The following KIF5C variants were observed in gnomAD, a reference collection of about 807,000 sequenced individuals.
KIF5C encodes the protein kinesin heavy chain isoform 5C.
Under a neutral mutation model 125.2 loss-of-function variants are expected in KIF5C, and 18 were observed. That is an observed-to-expected ratio of 0.14 (90% CI 0.10 to 0.21). The LOEUF (loss-of-function observed/expected upper bound fraction) is 0.21. Among genes scored for constraint, KIF5C ranks in the 10% least tolerant of loss-of-function variants. KIF5C has a pLI of 1.00. For synonymous variants in KIF5C, 405 were observed against 434.0 expected (o/e 0.93, Z 0.83); for missense variants, 780 against 1,183.8 (o/e 0.66, Z 5.01).
At chr2:149,003,806 AC>A (rs1681923307) in intron 21 of KIF5C, among the ~76,000 whole-genome samples, 1 of 152,140 alleles carries the variant, frequency 6.6e-6, no homozygotes, top group African/African-American at 2.4e-5. Flanking sequence ...TAGTATTTAC[AC>A]CCCAGGAGAT....
At chr2:148,987,549 G>T (rs2105167620) in intron 15 of KIF5C, among the ~76,000 whole-genome samples, 1 of 152,292 alleles carries the variant, frequency 6.6e-6, no homozygotes, top group South Asian at 2.1e-4. Flanking sequence ...GGGGAAGAAA[G>T]CCTAATGCTG....
chr2:148,912,947 C>T (rs183122244), intron 1 of KIF5C, among the ~76,000 whole-genome samples: 32 of 152,298 alleles, frequency 2.1e-4, no homozygotes, highest in African/African-American at 7.7e-4. Context: ...AGTTTGCATC[C>T]AGCAGCTCTC....
chr2:149,010,484 C>T (rs997760891), intron 24 of KIF5C, 133 bp downstream of exon 24: 7 of 1,414,872 alleles, frequency 4.9e-6, no homozygotes, highest in Non-Finnish European at 6.5e-6. Flanking sequence ...CCGCAGGACG[C>T]AGCCCTCACC....
intron 25 of KIF5C, among the ~76,000 whole-genome samples, chr2:149,011,923 C>G (rs1682220292): frequency 6.6e-6 from 1 of 152,190 alleles, no homozygotes; most frequent in Admixed American, 6.5e-5. Context: ...GGCCTAATCC[C>G]CTCCAGGGGT....
intron 1 of KIF5C, among the ~76,000 whole-genome samples, chr2:148,903,791 GAAT>G (rs1428778391): frequency 2.0e-5 from 3 of 152,312 alleles, no homozygotes; most frequent in Non-Finnish European, 2.9e-5. Flanking sequence ...TAGGCAGTCT[GAAT>G]TTAACCTGTT....
intron 23 of KIF5C, 60 bp downstream of exon 23, chr2:149,008,127 C>T: frequency 6.5e-7 from 1 of 1,530,306 alleles, no homozygotes; most frequent in Admixed American, 1.8e-5. Flanking sequence ...AGAAGCCCCA[C>T]CAGGTTTGGC....
chr2:148,894,254 A>G (rs1297649247), intron 1 of KIF5C, among the ~76,000 whole-genome samples: 1 of 152,254 alleles, frequency 6.6e-6, no homozygotes, highest in African/African-American at 2.4e-5. Flanking sequence ...AAGGAAAGAA[A>G]TTAGAGATTC....
intron 17 of KIF5C, 79 bp from the exon 18 acceptor site, chr2:148,997,185 C>CT: frequency 6.5e-7 from 1 of 1,533,324 alleles, no homozygotes. Flanking sequence ...ATTTTTCTTG[C>CT]TTTTTGTTTT....
chr2:149,012,705 G>C (rs1255656425), intron 25 of KIF5C, among the ~76,000 whole-genome samples: 1 of 152,272 alleles, frequency 6.6e-6, no homozygotes, highest in Non-Finnish European at 1.5e-5. Flanking sequence ...GCCAGGGGCT[G>C]GTCAGAGTAG....
At chr2:149,012,697 C>T (rs1028116236) in intron 25 of KIF5C, among the ~76,000 whole-genome samples, 1 of 152,234 alleles carries the variant, frequency 6.6e-6, no homozygotes, top group Non-Finnish European at 1.5e-5. Context: ...ACGAGCAGGC[C>T]AGGGGCTGGT....
chr2:148,977,372 C>G lies in KIF5C; in HGVS notation c.1294-1550C>G, dbSNP rs1422651997. 3.3e-5 allele frequency among the ~76,000 whole-genome samples: 5 copies of G among 152,206 alleles called. No individual in the cohort carries two copies. In the East Asian group the frequency reaches 9.6e-4, roughly 29 times the overall value. On this transcript the variant is annotated intron_variant, in intron 12 of 25. Transcript: ENST00000435030. ...CTTGTGGTTTATATCACTTGTAGTG[C>G]TTGTCCATTTGTCCCAGGAGAAGAG... is the stretch of plus-strand genomic sequence containing the variant.
At chr2:148,893,317 A>G (rs1681758285) in intron 1 of KIF5C, among the ~76,000 whole-genome samples, 1 of 152,186 alleles carries the variant, frequency 6.6e-6, no homozygotes, top group Non-Finnish European at 1.5e-5. Flanking sequence ...AAAAACATGT[A>G]AGGCTTTTCT....
At chr2:148,948,083 C>G (rs1403183060) in intron 8 of KIF5C, 6 of 446,814 alleles carry the variant, frequency 1.3e-5, no homozygotes, top group African/African-American at 6.0e-5. Flanking sequence ...TGCAGTGGCT[C>G]ACGCCTGTAA....
At chr2:148,947,803 A>T in intron 8 of KIF5C, 3 of 440,828 alleles carry the variant, frequency 6.8e-6, no homozygotes, top group South Asian at 4.9e-5. Context: ...CATGTGCACA[A>T]TGCCCTCTGG....
chr2:148,950,275 T>A, intron 9 of KIF5C, 39 bp from the exon 10 acceptor site: 1 of 1,598,486 alleles, frequency 6.3e-7, no homozygotes, highest in Non-Finnish European at 8.6e-7. Context: ...TTTCTCAGAA[T>A]GGGCTGTCAA....
At chr2:148,979,389 G>A (rs191849252) in intron 13 of KIF5C, among the ~76,000 whole-genome samples, 3 of 152,142 alleles carry the variant, frequency 2.0e-5, no homozygotes, top group Admixed American at 6.5e-5. Context: ...TGATCTTCCC[G>A]CCTAAGACTC....
At chr2:148,908,879 G>A (rs1681220108) in intron 1 of KIF5C, among the ~76,000 whole-genome samples, 1 of 152,118 alleles carries the variant, frequency 6.6e-6, no homozygotes, top group Non-Finnish European at 1.5e-5. Context: ...CACTCTTACA[G>A]AATAATAAGA....
chr2:148,924,382 C>T lies in KIF5C; in HGVS notation c.217+2155C>T, dbSNP rs1368112311. ...TGGGTGGACCAAGGAGCATTCCTTT[C>T]AAGTCCATCTAAACTCTTAATGATT... On this transcript the variant is annotated intron_variant, in intron 2 of 25. Coordinates refer to ENST00000435030, the MANE Select transcript of KIF5C (RefSeq NM_004522.3). The surrounding 1 kb of genome is among the most constrained non-coding windows in gnomAD (Gnocchi z 4.0). Among the ~76,000 whole-genome samples the T allele has an allele frequency of 6.6e-6, 1 of 152,194 alleles. No individual in the cohort carries two copies. The highest frequency in any genetic ancestry group is 1.5e-5 in the Non-Finnish European group (1 of 68,040).
intron 18 of KIF5C, chr2:148,997,773 C>A (rs1192788791): frequency 1.2e-5 from 2 of 171,140 alleles, no homozygotes; most frequent in Non-Finnish European, 1.2e-5. Context: ...TGGAGTAAGA[C>A]TTTTAGGTGA....
Sources: gnomAD v4.1 joint callset for allele counts (sites outside exome capture counted in the v4.1 genomes callset) on GRCh38, gnomAD v4.1.1 for gene constraint, Gnocchi (gnomAD v3.1) non-coding constraint, MANE v1.5 for transcripts, NCBI Gene and HGNC (gene_info 2026-07-23, HGNC 2026-07-21) for gene names.